PTPRD: variants seen among roughly 807,000 people sequenced by gnomAD.
PTPRD encodes the protein receptor-type tyrosine-protein phosphatase delta.
Under a neutral mutation model 214.5 loss-of-function variants are expected in PTPRD, and 34 were observed. The observed-to-expected ratio is 0.16, with a 90% CI of 0.12 to 0.21. The LOEUF (loss-of-function observed/expected upper bound fraction) is 0.21. Among genes scored for constraint, PTPRD ranks in the 10% least tolerant of loss-of-function variants. The pLI is 1.00. For synonymous variants in PTPRD, 1,128 were observed against 845.7 expected (o/e 1.33, Z -5.79); for missense variants, 2,545 against 2,398.7 (o/e 1.06, Z -1.27).
At chr9:9,107,729 C>A (rs1297450087) in intron 10 of PTPRD, among the ~76,000 whole-genome samples, 1 of 152,150 alleles carries the variant, frequency 6.6e-6, no homozygotes, top group African/African-American at 2.4e-5. Flanking sequence ...AGTGATCAGG[C>A]CATTTGTCTT....
At chr9:8,412,360 T>C (rs1238661925) in intron 35 of PTPRD, among the ~76,000 whole-genome samples, 14 of 152,210 alleles carry the variant, frequency 9.2e-5, no homozygotes. Flanking sequence ...ATACAATCAA[T>C]GTGCAGCATT....
chr9:9,591,446 A>C (rs1208567849), intron 7 of PTPRD, among the ~76,000 whole-genome samples: 1 of 151,974 alleles, frequency 6.6e-6, no homozygotes, highest in Non-Finnish European at 1.5e-5. Context: ...CACTGCCAAC[A>C]TCTTGATGTT....
chr9:10,484,990 A>C (rs2099123389), intron 2 of PTPRD, among the ~76,000 whole-genome samples: 1 of 151,586 alleles, frequency 6.6e-6, no homozygotes, highest in African/African-American at 2.4e-5. Context: ...TTCATAGTTT[A>C]CGGTCTTAGA....
At chr9:8,419,152 TCAATGTCGCAG>T (rs1299598132) in intron 35 of PTPRD, among the ~76,000 whole-genome samples, 1 of 150,628 alleles carries the variant, frequency 6.6e-6, no homozygotes, top group African/African-American at 2.4e-5. Context: ...GCCCAGGAGT[TCAATGTCGCAG>T]TGAGCTGAGA....
chr9:9,451,623 A>G (rs1185725079), intron 8 of PTPRD, among the ~76,000 whole-genome samples: 1 of 151,706 alleles, frequency 6.6e-6, no homozygotes, highest in East Asian at 1.9e-4. Context: ...GAAAGTAGAA[A>G]TAGAAGAAAA....
At chr9:8,482,506 T>C (rs2096908167) in intron 30 of PTPRD, among the ~76,000 whole-genome samples, 1 of 151,976 alleles carries the variant, frequency 6.6e-6, no homozygotes, top group Non-Finnish European at 1.5e-5. Context: ...CCTTCAAACC[T>C]GGCATAGCAA....
chr9:9,853,446 T>C (rs1599798203), intron 5 of PTPRD, among the ~76,000 whole-genome samples: 1 of 152,344 alleles, frequency 6.6e-6, no homozygotes, highest in African/African-American at 2.4e-5. Flanking sequence ...ACAGACAATA[T>C]ATAGTTTGCT....
At position 8,816,504 on chromosome 9, in the gene PTPRD, G is replaced by T. The variant is rs537992426; in HGVS notation, c.-103-82558C>A. ...GTATCGTTACAGGGCACAAAACAGC[G>T]TTTAGGAAAGGTTCCTAAAGGAAAT... On this transcript the variant is annotated intron_variant, in intron 11 of 45. Transcript: ENST00000381196. Among the ~76,000 whole-genome samples, 3 of 152,250 alleles carry T rather than the reference G, an allele frequency of 2.0e-5. No individual in the cohort carries two copies. In the East Asian group the frequency reaches 5.8e-4, roughly 29 times the overall value.
At chr9:8,823,697 A>G (rs1237373853) in intron 11 of PTPRD, among the ~76,000 whole-genome samples, 1 of 151,668 alleles carries the variant, frequency 6.6e-6, no homozygotes, top group African/African-American at 2.4e-5. Context: ...GGAAAGGGAA[A>G]GGAAAGGAAA....
At chr9:10,209,786 A>G (rs294798) in intron 3 of PTPRD, among the ~76,000 whole-genome samples, 132,158 of 152,098 alleles carry the variant, frequency 0.87, 57,485 homozygotes, top group Admixed American at 0.92. Flanking sequence ...TGGAATTAGA[A>G]CTAAATGAGA....
chr9:9,328,176 G>A (rs2040783713), intron 9 of PTPRD, among the ~76,000 whole-genome samples: 1 of 152,074 alleles, frequency 6.6e-6, no homozygotes, highest in African/African-American at 2.4e-5. Context: ...CAAAAAAGTT[G>A]AGTTTTTAAC....
At chr9:9,258,039 G>T (rs887390492) in intron 9 of PTPRD, among the ~76,000 whole-genome samples, 4 of 151,732 alleles carry the variant, frequency 2.6e-5, no homozygotes, top group Non-Finnish European at 5.9e-5. Flanking sequence ...GGTAATGAAA[G>T]AATTTAAAGA....
chr9:8,774,707 T>C lies in PTPRD; in HGVS notation c.-103-40761A>G, dbSNP rs567767607. Among the ~76,000 whole-genome samples, 1,051 of 152,058 alleles carry C rather than the reference T, an allele frequency of 6.9e-3. 12 individuals are homozygous for C. The highest frequency in any genetic ancestry group is 0.024 in the African/African-American group (1,009 of 41,466). On this transcript the variant is annotated intron_variant, in intron 11 of 45. Transcript: ENST00000381196. ...GCGCCACCACACCTGGCTAATTTTG[T>C]ATTTTTAGTAGAGACGGGGTTTCTC...
intron 2 of PTPRD, among the ~76,000 whole-genome samples, chr9:10,463,054 T>C (rs533797984): frequency 2.5e-4 from 38 of 151,508 alleles, no homozygotes; most frequent in African/African-American, 8.9e-4. Flanking sequence ...AATGATGTTT[T>C]TCTGTTGCTT....
At chr9:8,499,428 T>C (rs1275043106) in intron 25 of PTPRD, among the ~76,000 whole-genome samples, 2 of 152,222 alleles carry the variant, frequency 1.3e-5, no homozygotes, top group East Asian at 1.9e-4. Context: ...AAAAGTAACA[T>C]GTTTTTAATC....
intron 7 of PTPRD, among the ~76,000 whole-genome samples, chr9:9,725,736 T>G (rs2154435454): frequency 6.6e-6 from 1 of 152,312 alleles, no homozygotes; most frequent in East Asian, 1.9e-4. Context: ...TTTGAGAAGT[T>G]TTCTGTGGTG....
chr9:9,751,148 T>A (rs2098514687), intron 6 of PTPRD, among the ~76,000 whole-genome samples: 2 of 151,800 alleles, frequency 1.3e-5, no homozygotes, highest in Non-Finnish European at 2.9e-5. Flanking sequence ...CTAGGTGCTA[T>A]TTTTAAATCT....
At chr9:9,788,963 A>T (rs2098947352) in intron 5 of PTPRD, among the ~76,000 whole-genome samples, 1 of 152,120 alleles carries the variant, frequency 6.6e-6, no homozygotes, top group South Asian at 2.1e-4. Flanking sequence ...TGCCTCTCTA[A>T]CACTTTCAAA....
chr9:9,935,582 C>A (rs1018395095), intron 5 of PTPRD, among the ~76,000 whole-genome samples: 1 of 151,668 alleles, frequency 6.6e-6, no homozygotes, highest in Non-Finnish European at 1.5e-5. Context: ...AAAGAGGATA[C>A]AAACAAATGG....
Sources: allele counts gnomAD v4.1 joint callset (sites outside exome capture counted in the v4.1 genomes callset), GRCh38; gene constraint gnomAD v4.1.1; transcripts MANE v1.5; gene names NCBI Gene and HGNC (gene_info 2026-07-23, HGNC 2026-07-21).